Variants in CNNM2 observed in about 807,000 individuals in gnomAD.
The protein encoded by CNNM2 is metal transporter CNNM2.
CNNM2 carries 12 observed loss-of-function variants against 66.9 expected under a neutral mutation model. The observed-to-expected ratio is 0.18, with a 90% CI of 0.11 to 0.29. CNNM2 has a LOEUF of 0.29. Among genes scored for constraint, CNNM2 ranks in the 10% least tolerant of loss-of-function variants. The pLI is 1.00. For missense variants in CNNM2, 705 were observed against 1,167.7 expected, an observed-to-expected ratio of 0.60 and a Z score of 5.77; for synonymous variants, 557 against 501.8, an observed-to-expected ratio of 1.11 and a Z score of -1.47.
At chr10:102,944,089 T>TTC (rs1326026012) in intron 1 of CNNM2, among the ~76,000 whole-genome samples, 1 of 151,270 alleles carries the variant, frequency 6.6e-6, no homozygotes, top group Non-Finnish European at 1.5e-5. Flanking sequence ...TAATTCTTTT[T>TTC]TTTTTTTTTT....
intron 1 of CNNM2, among the ~76,000 whole-genome samples, chr10:102,974,158 G>T (rs917709451): frequency 6.6e-6 from 1 of 152,200 alleles, no homozygotes; most frequent in Non-Finnish European, 1.5e-5. Flanking sequence ...TTCAGATGGA[G>T]GTGTGGGAGG....
At chr10:102,955,132 A>T (rs1454324954) in intron 1 of CNNM2, among the ~76,000 whole-genome samples, 4 of 152,224 alleles carry the variant, frequency 2.6e-5, no homozygotes, top group Non-Finnish European at 4.4e-5. Context: ...AAACTATGCT[A>T]CAAGGCTACA....
At chr10:103,046,710 A>G (rs1381696435) in intron 1 of CNNM2, among the ~76,000 whole-genome samples, 1 of 152,220 alleles carries the variant, frequency 6.6e-6, no homozygotes, top group East Asian at 1.9e-4. Flanking sequence ...TAATCAAGCT[A>G]AAAGGAAGGC....
At chr10:102,920,384 T>A (rs539001224) in intron 1 of CNNM2, among the ~76,000 whole-genome samples, 18 of 152,218 alleles carry the variant, frequency 1.2e-4, no homozygotes, top group South Asian at 8.3e-4. Context: ...TTATTTTTTT[T>A]TTTTTGGTCC....
At chr10:103,052,864 T>G (rs995871067) in intron 2 of CNNM2, among the ~76,000 whole-genome samples, 1 of 152,196 alleles carries the variant, frequency 6.6e-6, no homozygotes, top group Non-Finnish European at 1.5e-5. Flanking sequence ...GCTGTTGCCA[T>G]TAGAAAATTA....
chr10:102,977,159 C>T (rs970467465), intron 1 of CNNM2, among the ~76,000 whole-genome samples: 1 of 152,100 alleles, frequency 6.6e-6, no homozygotes, highest in African/African-American at 2.4e-5. Context: ...ATCTGATGGC[C>T]CAATTGTGAC....
chr10:103,039,008 A>G (rs2064991780), intron 1 of CNNM2, among the ~76,000 whole-genome samples: 1 of 152,064 alleles, frequency 6.6e-6, no homozygotes. Context: ...CTTAAAAAAA[A>G]AAGAAGATAC....
chr10:102,988,677 T>C, intron 1 of CNNM2, among the ~76,000 whole-genome samples: 1 of 152,180 alleles, frequency 6.6e-6, no homozygotes, highest in Non-Finnish European at 1.5e-5. Context: ...GTTAAAATTC[T>C]CTTCCTTGGT....
At chr10:102,947,596 C>T (rs754303331) in intron 1 of CNNM2, among the ~76,000 whole-genome samples, 1 of 151,418 alleles carries the variant, frequency 6.6e-6, no homozygotes, top group African/African-American at 2.4e-5. Context: ...ACTAAAAATA[C>T]AAAAATTAGC....
chr10:102,947,335 CTT>C (rs1846650971), intron 1 of CNNM2, among the ~76,000 whole-genome samples: 1 of 152,066 alleles, frequency 6.6e-6, no homozygotes, highest in Non-Finnish European at 1.5e-5. Flanking sequence ...TTTGAAACGA[CTT>C]TGTTTCTGTT....
At chr10:102,961,917 TA>T (rs897676938) in intron 1 of CNNM2, among the ~76,000 whole-genome samples, 3 of 126,874 alleles carry the variant, frequency 2.4e-5, no homozygotes, top group South Asian at 3.2e-4. Context: ...AATTAAATAT[TA>T]AAAAAAAATA....
chr10:102,928,741 C>A (rs1397158886), intron 1 of CNNM2, among the ~76,000 whole-genome samples: 2 of 152,156 alleles, frequency 1.3e-5, no homozygotes, highest in African/African-American at 4.8e-5. Flanking sequence ...CCCTCCAGCA[C>A]TTGTATGAGG....
At chr10:103,076,584 G>T (rs2065695209) in intron 7 of CNNM2, among the ~76,000 whole-genome samples, 1 of 152,234 alleles carries the variant, frequency 6.6e-6, no homozygotes, top group South Asian at 2.1e-4. Flanking sequence ...GTGGCTCCCT[G>T]CCTGGCCCTG....
At chr10:102,999,831 TA>T (rs2064082070) in intron 1 of CNNM2, among the ~76,000 whole-genome samples, 1 of 152,218 alleles carries the variant, frequency 6.6e-6, no homozygotes, top group Non-Finnish European at 1.5e-5. Flanking sequence ...AAAACTTTAA[TA>T]AGATGTTACC....
intron 1 of CNNM2, among the ~76,000 whole-genome samples, chr10:102,982,835 G>GTT (rs2063738577): frequency 6.6e-6 from 1 of 152,170 alleles, no homozygotes; most frequent in African/African-American, 2.4e-5. Context: ...TTGCAATACA[G>GTT]TTTTGTCATT....
chr10:103,037,985 A>C (rs768385755), intron 1 of CNNM2, among the ~76,000 whole-genome samples: 1 of 152,094 alleles, frequency 6.6e-6, no homozygotes, highest in Non-Finnish European at 1.5e-5. Context: ...GATTACAGGC[A>C]TGTACCACCA....
intron 1 of CNNM2, among the ~76,000 whole-genome samples, chr10:103,029,879 A>T (rs76791130): frequency 6.8e-6 from 1 of 147,938 alleles, no homozygotes; most frequent in Non-Finnish European, 1.5e-5. Flanking sequence ...AAAAAAAAAA[A>T]TAATCTCAGA....
rs1564890770 is a variant in CNNM2 at position 103,089,339 on chromosome 10, T to C, written c.*12159T>C. On this transcript the variant is annotated 3_prime_UTR_variant, in exon 8 of 8. Coordinates refer to ENST00000369878, the MANE Select transcript of CNNM2 (RefSeq NM_017649.5). ...CTCTTTGTTCCACTCTGAGACTCTT[T>C]CCTTTTCCTCGTGTATCCAGATACA... 2 of 257,506 alleles carry C rather than the reference T, an allele frequency of 7.8e-6. No individual in the cohort carries two copies. Among genetic ancestry groups the C allele is most frequent in the East Asian group, 1.2e-4 (2 of 16,858 alleles). 16.0% of individuals were successfully genotyped at this position (257,506 alleles called of 1,614,324 possible). A position where few individuals can be genotyped will look rare whatever the true frequency, so the allele number is the denominator to read the frequency against.
chr10:102,941,934 A>G (rs979782707), intron 1 of CNNM2, among the ~76,000 whole-genome samples: 1 of 152,168 alleles, frequency 6.6e-6, no homozygotes, highest in Non-Finnish European at 1.5e-5. Context: ...ATTGAACTGA[A>G]TATTGTTGAG....
Sources: allele counts gnomAD v4.1 joint callset (sites outside exome capture counted in the v4.1 genomes callset), GRCh38; gene constraint gnomAD v4.1.1; transcripts MANE v1.5; gene names NCBI Gene and HGNC (gene_info 2026-07-23, HGNC 2026-07-21).